The following FGF14 variants were observed in gnomAD, a reference collection of about 807,000 sequenced individuals.
FGF14 encodes the protein fibroblast growth factor homologous factor 4.
FGF14 carries 5 observed loss-of-function variants against 25.5 expected under a neutral mutation model. The ratio of observed to expected loss-of-function variants is 0.20; its 90% confidence interval spans 0.10 to 0.41. The LOEUF is 0.41. Among genes scored for constraint, FGF14 ranks in the 10% least tolerant of loss-of-function variants. The pLI is 1.00. For missense variants in FGF14, 222 were observed against 320.1 expected (o/e 0.69, Z 2.34); for synonymous variants, 138 against 118.3 (o/e 1.17, Z -1.08).
At chr13:101,960,349 C>T (rs1375683839) in intron 1 of FGF14, among the ~76,000 whole-genome samples, 1 of 152,124 alleles carries the variant, frequency 6.6e-6, no homozygotes, top group Non-Finnish European at 1.5e-5. Context: ...TGATGCTCTC[C>T]CTCCCCCAGC....
chr13:101,720,806 T>C lies in FGF14; in HGVS notation c.*2025A>G, dbSNP rs1309705846. ...AAAAATGACCAAAGGAATCATTTTG[T>C]TTGTTAGATTTGTAATTTAGCATCA... On this transcript the variant is annotated 3_prime_UTR_variant, in exon 5 of 5. Coordinates refer to ENST00000376143, the MANE Select transcript of FGF14 (RefSeq NM_004115.4). 3 of 152,128 alleles carry C rather than the reference T, an allele frequency of 2.0e-5. No homozygotes were observed. The highest frequency in any genetic ancestry group is 4.4e-5 in the Non-Finnish European group (3 of 68,006). 9.4% of individuals were successfully genotyped at this position (152,128 alleles called of 1,614,324 possible).
At chr13:102,158,522 G>C (rs939155671) in intron 1 of FGF14, among the ~76,000 whole-genome samples, 1 of 149,444 alleles carries the variant, frequency 6.7e-6, no homozygotes, top group African/African-American at 2.4e-5. Flanking sequence ...GCCTGTTGTG[G>C]GGTGGGGGTA....
intron 1 of FGF14, among the ~76,000 whole-genome samples, chr13:102,215,618 G>T (rs1007512922): frequency 6.6e-6 from 1 of 152,066 alleles, no homozygotes; most frequent in Non-Finnish European, 1.5e-5. Flanking sequence ...CTACCTTTAT[G>T]TCAGATCTGA....
intron 1 of FGF14, among the ~76,000 whole-genome samples, chr13:102,082,736 C>T (rs1454937757): frequency 6.6e-6 from 1 of 152,002 alleles, no homozygotes; most frequent in Non-Finnish European, 1.5e-5. Flanking sequence ...GGGCGGATCA[C>T]GAGGTCAGGA....
rs1491365721 is a variant in FGF14, at chr13:101,721,857, CCT to C, written c.*972_*973del. On this transcript the variant is annotated 3_prime_UTR_variant, in exon 5 of 5. Coordinates refer to ENST00000376143, the MANE Select transcript of FGF14 (RefSeq NM_004115.4). Reference sequence around the variant, plus strand: ...CTTGTAGGTTATAATTACTGATTTTCCTTTTTTTTTTTTTCCAAATAATGAGA... The same window carrying C: ...CTTGTAGGTTATAATTACTGATTTTCTTTTTTTTTTTTCCAAATAATGAGA... The C allele has an allele frequency of 7.8e-6, 1 of 127,588 alleles. No homozygotes were observed. The highest frequency in any genetic ancestry group is 1.8e-5 in the Non-Finnish European group (1 of 55,338). The allele number at this position is 127,588 out of a possible 1,614,324, so 7.9% of individuals were successfully genotyped here.
At chr13:101,928,673 G>A (rs9518600) in intron 1 of FGF14, among the ~76,000 whole-genome samples, 16,720 of 152,060 alleles carry the variant, frequency 0.11, 1,097 homozygotes, top group Admixed American at 0.22. Flanking sequence ...ATGGAGGTTA[G>A]GTAATTTGCT....
intron 3 of FGF14, among the ~76,000 whole-genome samples, chr13:101,829,603 G>T (rs946615568): frequency 6.6e-6 from 1 of 151,702 alleles, no homozygotes; most frequent in African/African-American, 2.4e-5. Flanking sequence ...TTCCAGCATC[G>T]TCATCATAAA....
intron 1 of FGF14, among the ~76,000 whole-genome samples, chr13:102,257,885 T>C (rs9585880): frequency 0.17 from 25,194 of 152,156 alleles, 2,229 homozygotes; most frequent in Non-Finnish European, 0.2. Context: ...TGTCCCTTTA[T>C]GGCCCAGTTC....
chr13:102,326,982 A>G (rs1332877985), intron 1 of FGF14, among the ~76,000 whole-genome samples: 1 of 152,210 alleles, frequency 6.6e-6, no homozygotes, highest in Non-Finnish European at 1.5e-5. Flanking sequence ...GTGTTAAACC[A>G]TAATAATAGT....
chr13:101,778,692 A>G (rs1487964408), intron 3 of FGF14, among the ~76,000 whole-genome samples: 5 of 152,142 alleles, frequency 3.3e-5, no homozygotes, highest in African/African-American at 1.2e-4. Context: ...CCCCGTTTCT[A>G]AAAAGTGTTT....
intron 3 of FGF14, among the ~76,000 whole-genome samples, chr13:101,804,467 AG>A (rs1397689905): frequency 2.0e-5 from 3 of 152,166 alleles, no homozygotes; most frequent in Non-Finnish European, 2.9e-5. Flanking sequence ...CCCCCACACA[AG>A]AAGGGAGTTA....
chr13:102,379,319 T>C (rs1227765652), intron 1 of FGF14, among the ~76,000 whole-genome samples: 5 of 152,006 alleles, frequency 3.3e-5, no homozygotes, highest in Non-Finnish European at 5.9e-5. Flanking sequence ...AAGCAGTATG[T>C]CTTGACACTA....
Position 102,309,169 on chromosome 13 carries a change from T to C in FGF14, c.208+92302A>G, listed in dbSNP as rs972917785. On this transcript the variant is annotated intron_variant, in intron 1 of 4. Coordinates refer to the FGF14 transcript ENST00000376131. ...ACACACACACACACACACACACACATCTCGCACAGTAATGCGTTGAGTGCC... is the reference window on the plus strand; with the variant it reads ...ACACACACACACACACACACACACACCTCGCACAGTAATGCGTTGAGTGCC... 6.5e-4 allele frequency among the ~76,000 whole-genome samples: 37 copies of C among 57,088 alleles called. 1 individual carries two copies. Among genetic ancestry groups the C allele is most frequent in the African/African-American group, 1.1e-3 (12 of 10,868 alleles). 37.5% of individuals were successfully genotyped at this position (57,088 alleles called of 152,430 possible).
intron 1 of FGF14, among the ~76,000 whole-genome samples, chr13:101,878,864 TA>T (rs1199412893): frequency 2.0e-5 from 3 of 151,954 alleles, no homozygotes; most frequent in Admixed American, 6.6e-5. Context: ...ATGTAATATG[TA>T]AAAAAATGCT....
intron 1 of FGF14, among the ~76,000 whole-genome samples, chr13:102,115,164 A>C (rs1421552054): frequency 6.6e-6 from 1 of 152,174 alleles, no homozygotes; most frequent in Non-Finnish European, 1.5e-5. Flanking sequence ...CTTATGCATG[A>C]ATGGGATCAA....
chr13:101,797,544 G>A (rs1041907819), intron 3 of FGF14, among the ~76,000 whole-genome samples: 4 of 152,022 alleles, frequency 2.6e-5, no homozygotes, highest in African/African-American at 9.7e-5. Flanking sequence ...TTTATTGGAA[G>A]GTGATTAGTC....
At chr13:102,313,344 A>G (rs1232388805) in intron 1 of FGF14, among the ~76,000 whole-genome samples, 1 of 152,244 alleles carries the variant, frequency 6.6e-6, no homozygotes, top group Non-Finnish European at 1.5e-5. Context: ...ACAGAAGTGG[A>G]GAACTCAGAA....
chr13:102,232,612 A>T (rs2140997540), intron 1 of FGF14, among the ~76,000 whole-genome samples: 1 of 152,352 alleles, frequency 6.6e-6, no homozygotes, highest in East Asian at 1.9e-4. Flanking sequence ...AGAATTCTAA[A>T]TCCCAAGTCA....
chr13:101,807,810 T>G (rs74603430), intron 3 of FGF14, among the ~76,000 whole-genome samples: 3,167 of 152,182 alleles, frequency 0.021, 41 homozygotes, highest in Non-Finnish European at 0.034. Context: ...GTCAAAGAGA[T>G]ATTTTAATGA....
Sources: gnomAD v4.1 joint callset for allele counts (sites outside exome capture counted in the v4.1 genomes callset) on GRCh38, gnomAD v4.1.1 for gene constraint, MANE v1.5 for transcripts, NCBI Gene and HGNC (gene_info 2026-07-23, HGNC 2026-07-21) for gene names.